TANK: variants seen among roughly 807,000 people sequenced by gnomAD.
TANK encodes TRAF family member associated NFKB activator.
Under a neutral mutation model 43.6 loss-of-function variants are expected in TANK, and 15 were observed. That is an observed-to-expected ratio of 0.34 (90% CI 0.23 to 0.53). TANK has a LOEUF of 0.53. TANK is among the 20% of genes least tolerant of loss of function. The pLI is 0.94. For synonymous variants in TANK, 162 were observed against 178.2 expected (o/e 0.91, Z 0.73); for missense variants, 417 against 498.6 (o/e 0.84, Z 1.56).
At chr2:161,232,918 G>T in intron 7 of TANK, 1 of 1,433,620 alleles carries the variant, frequency 7.0e-7, no homozygotes, top group Non-Finnish European at 9.3e-7. Flanking sequence ...TGATATTTTG[G>T]CAGAAAAAGC....
intron 4 of TANK, among the ~76,000 whole-genome samples, chr2:161,214,056 T>G (rs1212998848): frequency 6.6e-6 from 1 of 152,228 alleles, no homozygotes; most frequent in Non-Finnish European, 1.5e-5. Flanking sequence ...TTTAACATCA[T>G]CACTGATTGC....
At chr2:161,151,427 C>T (rs988427331) in intron 1 of TANK, among the ~76,000 whole-genome samples, 4 of 144,728 alleles carry the variant, frequency 2.8e-5, no homozygotes, top group Non-Finnish European at 6.1e-5. Flanking sequence ...GCCAATGTCT[C>T]GTTCATATAT....
intron 1 of TANK, among the ~76,000 whole-genome samples, chr2:161,167,913 C>G (rs535737985): frequency 6.6e-6 from 1 of 152,076 alleles, no homozygotes; most frequent in East Asian, 1.9e-4. Context: ...TGTGAGCCAC[C>G]GTGCCTGGCC....
intron 1 of TANK, 105 bp from the exon 2 acceptor site, chr2:161,179,509 G>A: frequency 1.1e-6 from 1 of 946,292 alleles, no homozygotes; most frequent in South Asian, 2.5e-5. Context: ...GTACTTGGTG[G>A]TATAATGTTT....
intron 2 of TANK, among the ~76,000 whole-genome samples, chr2:161,192,889 A>C (rs2105324175): frequency 6.6e-6 from 1 of 152,346 alleles, no homozygotes; most frequent in East Asian, 1.9e-4. Context: ...CAGACCGAAG[A>C]CCATATTCGT....
chr2:161,222,550 C>G (rs1318722440), intron 4 of TANK, among the ~76,000 whole-genome samples: 1 of 152,060 alleles, frequency 6.6e-6, no homozygotes, highest in Non-Finnish European at 1.5e-5. Context: ...ACACTAAAAT[C>G]CATTGAGTGT....
At chr2:161,201,887 A>G (rs1430981083) in intron 2 of TANK, among the ~76,000 whole-genome samples, 1 of 152,234 alleles carries the variant, frequency 6.6e-6, no homozygotes, top group Non-Finnish European at 1.5e-5. Flanking sequence ...CATGCACTTC[A>G]GGTAGACCTA....
chr2:161,164,419 T>C (rs764320267), intron 1 of TANK, among the ~76,000 whole-genome samples: 1 of 152,220 alleles, frequency 6.6e-6, no homozygotes, highest in Non-Finnish European at 1.5e-5. Flanking sequence ...CTTGCTGCCA[T>C]GGTTTTGAAT....
intron 6 of TANK, among the ~76,000 whole-genome samples, chr2:161,229,758 A>C (rs1380498115): frequency 6.6e-6 from 1 of 152,180 alleles, no homozygotes; most frequent in East Asian, 1.9e-4. Flanking sequence ...TGTTCTGTAT[A>C]CCCTGTCTAC....
chr2:161,204,616 TCAGG>T, intron 3 of TANK, 55 bp from the exon 4 acceptor site: 1 of 1,531,600 alleles, frequency 6.5e-7, no homozygotes. Context: ...TTTTGCTTTT[TCAGG>T]TGGTACCAAA....
intron 2 of TANK, among the ~76,000 whole-genome samples, chr2:161,188,744 A>G (rs952815084): frequency 5.9e-5 from 9 of 152,208 alleles, no homozygotes; most frequent in Admixed American, 1.3e-4. Flanking sequence ...TCACTTATGA[A>G]TATTTGCTAT....
intron 1 of TANK, among the ~76,000 whole-genome samples, chr2:161,174,711 A>G (rs1305499396): frequency 6.6e-6 from 1 of 152,076 alleles, no homozygotes; most frequent in Non-Finnish European, 1.5e-5. Flanking sequence ...TTCCACCTCT[A>G]CTTGCTTTCA....
intron 1 of TANK, among the ~76,000 whole-genome samples, chr2:161,149,775 G>C (rs1343739432): frequency 7.3e-5 from 11 of 150,636 alleles, no homozygotes; most frequent in Non-Finnish European, 1.3e-4. Context: ...TCTATGATGT[G>C]GTGCATTGCC....
chr2:161,231,181 C>A lies in TANK; in HGVS notation c.731C>A (p.Thr244Asn), dbSNP rs554501842. Reference sequence around the variant, plus strand: ...TTTCCACCTATGGACAATGACTCAACTTTCTTACATAGCACTCCAGAGAGA... The same window carrying A: ...TTTCCACCTATGGACAATGACTCAAATTTCTTACATAGCACTCCAGAGAGA... ...VKFPPMDNDS[T>N]FLHSTPERPG... is the part of the protein sequence containing the mutation. Residue 244 changes from threonine to asparagine, a missense_variant, in exon 7 of 8, where the codon ACT (threonine) becomes AAT (asparagine). Thr to Asn is a moderately conservative substitution (Grantham distance 65). Coordinates refer to ENST00000392749, the MANE Select transcript of TANK (RefSeq NM_001199135.3). The A allele has an allele frequency of 1.9e-6, 3 of 1,614,026 alleles. No individual in the cohort carries two copies. Among genetic ancestry groups the A allele is most frequent in the East Asian group, 2.2e-5 (1 of 44,890 alleles).
intron 2 of TANK, among the ~76,000 whole-genome samples, chr2:161,192,580 A>G (rs1326460673): frequency 6.6e-6 from 1 of 152,138 alleles, no homozygotes; most frequent in African/African-American, 2.4e-5. Context: ...TTTTTAGCTT[A>G]TCCTCTGGTA....
intron 1 of TANK, among the ~76,000 whole-genome samples, chr2:161,145,270 CTT>C: frequency 6.8e-6 from 1 of 147,792 alleles, no homozygotes; most frequent in Non-Finnish European, 1.5e-5. Context: ...AGTCTTGACT[CTT>C]TATCCAATTT....
At chr2:161,169,730 AATT>A (rs1241135318) in intron 1 of TANK, among the ~76,000 whole-genome samples, 1 of 152,068 alleles carries the variant, frequency 6.6e-6, no homozygotes, top group African/African-American at 2.4e-5. Context: ...TAAAATAAAA[AATT>A]AGAGGGGAGA....
chr2:161,155,587 C>A (rs1684202062), upstream of TANK, among the ~76,000 whole-genome samples: 1 of 152,334 alleles, frequency 6.6e-6, no homozygotes, highest in Non-Finnish European at 1.5e-5. Context: ...TAGGTCAAAT[C>A]TTTCCCAGGC....
At chr2:161,161,536 C>G (rs146748110) in intron 1 of TANK, 2 of 1,451,986 alleles carry the variant, frequency 1.4e-6, no homozygotes, top group African/African-American at 1.4e-5. Flanking sequence ...AGTCCTCTCC[C>G]CAGTTGTAAT....
Sources: allele counts gnomAD v4.1 joint callset (sites outside exome capture counted in the v4.1 genomes callset), GRCh38; gene constraint gnomAD v4.1.1; transcripts MANE v1.5; gene names NCBI Gene and HGNC (gene_info 2026-07-23, HGNC 2026-07-21).